NMNAT3: variants seen among roughly 807,000 people sequenced by gnomAD.
NMNAT3 encodes the protein nicotinamide nucleotide adenylyltransferase 3.
NMNAT3 carries 21 observed loss-of-function variants against 24.8 expected under a neutral mutation model. That is an observed-to-expected ratio of 0.85 (90% CI 0.60 to 1.22). The LOEUF is 1.22. Among genes scored for constraint, NMNAT3 ranks in the 50% most tolerant of loss-of-function variants. NMNAT3 has a pLI of 0.00. For synonymous variants in NMNAT3, 136 were observed against 155.2 expected (o/e 0.88, Z 0.92); for missense variants, 387 against 436.6 (o/e 0.89, Z 1.01).
intron 1 of NMNAT3, among the ~76,000 whole-genome samples, chr3:139,655,082 G>A (rs763319225): frequency 1.1e-4 from 17 of 152,216 alleles, no homozygotes; most frequent in African/African-American, 3.4e-4. Context: ...ATGACTACGA[G>A]TTAGGCAGGT....
At chr3:139,583,880 G>A (rs938593644) in intron 3 of NMNAT3, among the ~76,000 whole-genome samples, 12 of 152,236 alleles carry the variant, frequency 7.9e-5, no homozygotes, top group South Asian at 2.1e-4. Flanking sequence ...CGGACCAGAC[G>A]GTATGATATT....
At chr3:139,675,131 A>AACACACACACACACACACAC (rs1397817305) in intron 1 of NMNAT3, among the ~76,000 whole-genome samples, 1 of 25,098 alleles carries the variant, frequency 4.0e-5, no homozygotes, top group African/African-American at 1.4e-4. Flanking sequence ...ATTCCTTTTA[A>AACACACACACACACACACAC]ACATACACAC....
intron 6 of NMNAT3, among the ~76,000 whole-genome samples, chr3:139,562,300 G>A (rs572903099): frequency 2.6e-4 from 39 of 152,280 alleles, no homozygotes; most frequent in Non-Finnish European, 4.0e-4. Context: ...CCTGCTGGTG[G>A]AAATCTGTAC....
chr3:139,607,831 T>C (rs2055014156), intron 3 of NMNAT3, among the ~76,000 whole-genome samples: 1 of 152,240 alleles, frequency 6.6e-6, no homozygotes, highest in Non-Finnish European at 1.5e-5. Flanking sequence ...CATTAGTTTA[T>C]AAAATCTATT....
chr3:139,590,226 T>C (rs545719310), intron 3 of NMNAT3, among the ~76,000 whole-genome samples: 32 of 152,270 alleles, frequency 2.1e-4, no homozygotes, highest in African/African-American at 7.0e-4. Flanking sequence ...AACAAATACA[T>C]GAACAATTAC....
At chr3:139,612,481 G>C (rs1019430986) in intron 3 of NMNAT3, among the ~76,000 whole-genome samples, 1 of 152,150 alleles carries the variant, frequency 6.6e-6, no homozygotes, top group South Asian at 2.1e-4. Context: ...CAGGCAAATG[G>C]AGTTGTATTC....
rs77041235 is a variant in NMNAT3, at chr3:139,654,935, C to T, written c.-140-16873G>A. Among the ~76,000 whole-genome samples, 389 of 152,260 alleles carry T rather than the reference C, an allele frequency of 2.6e-3. 1 individual carries two copies. Among genetic ancestry groups the T allele is most frequent in the African/African-American group, 9.0e-3 (374 of 41,552 alleles). On this transcript the variant is annotated intron_variant, in intron 1 of 6. Transcript: ENST00000643695. ...TGGTGGGAGGTAGAAAGGCTAAGGA[C>T]GGTCACAGCCCAGGGTGGTAAGAGC...
intron 1 of NMNAT3, among the ~76,000 whole-genome samples, chr3:139,674,531 T>C (rs986370746): frequency 6.6e-6 from 1 of 152,228 alleles, no homozygotes; most frequent in African/African-American, 2.4e-5. Flanking sequence ...TGGTTTAACA[T>C]AGATGTATGG....
At chr3:139,577,419 A>G (rs540424502) in intron 5 of NMNAT3, among the ~76,000 whole-genome samples, 5 of 152,324 alleles carry the variant, frequency 3.3e-5, no homozygotes, top group African/African-American at 7.2e-5. Context: ...ATTAGGTGAG[A>G]AATTGAGACT....
At chr3:139,643,186 T>C (rs1258735934) in intron 1 of NMNAT3, among the ~76,000 whole-genome samples, 2 of 152,176 alleles carry the variant, frequency 1.3e-5, no homozygotes, top group African/African-American at 2.4e-5. Context: ...CCTGTTAGAA[T>C]GACTGTTAAC....
At chr3:139,603,756 C>G (rs2054818898) in intron 3 of NMNAT3, among the ~76,000 whole-genome samples, 1 of 152,162 alleles carries the variant, frequency 6.6e-6, no homozygotes, top group Non-Finnish European at 1.5e-5. Flanking sequence ...CTGCTGCCAT[C>G]ATTACTGCCA....
In NMNAT3 at chr3:139,605,717, G is replaced by GT. The variant is rs1032114714; in HGVS notation, c.109+21898dup. ...GCAGGCCCATTTGCCTGGCTTTGAA[G>GT]TTTTTTTTTTATGTTTTTGGTGCTT... is the stretch of plus-strand genomic sequence containing the variant. On this transcript the variant is annotated intron_variant, in intron 3 of 6. Coordinates refer to ENST00000643695, the MANE Select transcript of NMNAT3 (RefSeq NM_001320510.2). Among the ~76,000 whole-genome samples, 846 of 148,986 alleles carry GT rather than the reference G, an allele frequency of 5.7e-3. 10 individuals carry two copies. Among genetic ancestry groups the GT allele is most frequent in the African/African-American group, 0.019 (780 of 40,730 alleles).
chr3:139,630,552 G>T (rs1229303970), intron 2 of NMNAT3, among the ~76,000 whole-genome samples: 1 of 152,164 alleles, frequency 6.6e-6, no homozygotes, highest in East Asian at 1.9e-4. Context: ...AAGGGAAGTG[G>T]TGTTTTCTCC....
chr3:139,613,985 T>C (rs1380521020), intron 3 of NMNAT3, among the ~76,000 whole-genome samples: 1 of 149,588 alleles, frequency 6.7e-6, no homozygotes, highest in African/African-American at 2.5e-5. Flanking sequence ...CAGGGCCTGT[T>C]GTGGGGTGGG....
chr3:139,593,137 A>G (rs1339611233), intron 3 of NMNAT3, among the ~76,000 whole-genome samples: 1 of 152,174 alleles, frequency 6.6e-6, no homozygotes, highest in Admixed American at 6.5e-5. Context: ...CTACCAAGCA[A>G]ATGGAAAACA....
intron 3 of NMNAT3, among the ~76,000 whole-genome samples, chr3:139,591,388 G>A (rs1000552465): frequency 2.0e-5 from 3 of 152,128 alleles, no homozygotes; most frequent in African/African-American, 4.8e-5. Flanking sequence ...AACGAGGCTC[G>A]GGAAGGGGCG....
At chr3:139,661,649 T>C (rs1010885662) in intron 1 of NMNAT3, among the ~76,000 whole-genome samples, 9 of 152,132 alleles carry the variant, frequency 5.9e-5, no homozygotes, top group African/African-American at 2.2e-4. Flanking sequence ...AGCTGGGCAA[T>C]AGAGTGAGGC....
At position 139,573,158 on chromosome 3, in the gene NMNAT3, T is replaced by C. The variant is rs1938682402; in HGVS notation, c.658+440A>G. Reference sequence around the variant, plus strand: ...AACCAACTTTAAATTCCCTTAAAAATAGGTTTCCTCTTTTGAGTGAACCAT... The same window carrying C: ...AACCAACTTTAAATTCCCTTAAAAACAGGTTTCCTCTTTTGAGTGAACCAT... On this transcript the variant is annotated intron_variant, in intron 6 of 6. Transcript: ENST00000643695. Among the ~76,000 whole-genome samples, 3 of 152,346 alleles carry C rather than the reference T, an allele frequency of 2.0e-5. No individual in the cohort carries two copies. The South Asian group carries it at 6.2e-4, about 32-fold the overall frequency.
chr3:139,663,459 G>A (rs1465876463), intron 1 of NMNAT3, among the ~76,000 whole-genome samples: 2 of 152,198 alleles, frequency 1.3e-5, no homozygotes, highest in Admixed American at 1.3e-4. Context: ...TATTCTGCCT[G>A]TCTCAAGGTG....
Sources: gnomAD v4.1 joint callset for allele counts (sites outside exome capture counted in the v4.1 genomes callset) on GRCh38, gnomAD v4.1.1 for gene constraint, MANE v1.5 for transcripts, NCBI Gene and HGNC (gene_info 2026-07-23, HGNC 2026-07-21) for gene names.